Variants in ILKAP observed in about 807,000 individuals in gnomAD.
The protein encoded by ILKAP is ILK associated serine/threonine phosphatase, also known as integrin-linked kinase-associated serine/threonine phosphatase 2C.
A neutral mutation model predicts 49.1 loss-of-function variants in ILKAP; 11 were observed. The ratio of observed to expected loss-of-function variants is 0.22; its 90% CI spans 0.14 to 0.37. ILKAP has a LOEUF of 0.37. Ranked by LOEUF, ILKAP falls within the 10% of genes least tolerant of loss-of-function variation. The pLI, the probability that ILKAP is intolerant of heterozygous loss-of-function variation, is 1.00. For missense variants in ILKAP, 363 were observed against 510.8 expected (o/e 0.71, Z 2.79); for synonymous variants, 186 against 192.8 (o/e 0.96, Z 0.29).
intron 1 of ILKAP, 24 bp from the exon 2 acceptor site, chr2:238,194,894 G>C: frequency 6.4e-7 from 1 of 1,561,112 alleles, no homozygotes; most frequent in South Asian, 1.1e-5. Flanking sequence ...AACCTGTTTA[G>C]AGAGCATATG....
intron 1 of ILKAP, among the ~76,000 whole-genome samples, chr2:238,203,247 G>T (rs1694651506): frequency 6.6e-6 from 1 of 151,028 alleles, no homozygotes; most frequent in Non-Finnish European, 1.5e-5. Flanking sequence ...CCGTGGCCAC[G>T]ACGGCTCGGC....
intron 9 of ILKAP, among the ~76,000 whole-genome samples, chr2:238,175,416 G>A (rs987438755): frequency 6.6e-6 from 1 of 152,162 alleles, no homozygotes; most frequent in African/African-American, 2.4e-5. Context: ...CATATACAGA[G>A]TAGTAATCTT....
rs1693191969 is a variant in ILKAP, at chr2:238,170,988, G to A, written c.993C>T (p.Val331=). The change falls in exon 11 of 12, where the codon GTC becomes GTT. Residue 331 remains valine, a synonymous_variant. Coordinates refer to ENST00000254654, the MANE Select transcript of ILKAP (RefSeq NM_030768.3). ...AGTTCACGGCTTCTTCTGGGGTAAA[G>A]ACCTTGAAGAGCCCATCACAGGCCA... is the stretch of plus-strand genomic sequence containing the variant. ...ILLACDGLFK[V]FTPEEAVNFI... is the part of the protein sequence containing the mutation. 2 of 1,613,948 alleles carry A rather than the reference G, an allele frequency of 1.2e-6. No individual in the cohort carries two copies. Among genetic ancestry groups the A allele is most frequent in the East Asian group, 4.5e-5 (2 of 44,874 alleles).
Position 238,188,204 on chromosome 2 carries a change from T to C in ILKAP, c.352A>G (p.Arg118Gly), listed in dbSNP as rs762482133. 1 of 1,613,800 alleles carries C rather than the reference T, an allele frequency of 6.2e-7. No individual in the cohort carries two copies. The highest frequency in any genetic ancestry group is 1.3e-5 in the African/African-American group (1 of 74,838). The change falls in exon 5 of 12, where the codon AGG (arginine) becomes GGG (glycine). Residue 118 changes from arginine (R) to glycine (G), a missense_variant. Coordinates refer to ENST00000254654, the MANE Select transcript of ILKAP (RefSeq NM_030768.3). ...ACGTGGGCATCCTGCATCTCCTCCCTCTCACCCTTCCGCTCAGCCACATAG... is the reference window on the plus strand; with the variant it reads ...ACGTGGGCATCCTGCATCTCCTCCCCCTCACCCTTCCGCTCAGCCACATAG... ...KGYVAERKGE[R>G]EEMQDAHVIL...
At chr2:238,200,785 T>C (rs1291948166) in intron 1 of ILKAP, among the ~76,000 whole-genome samples, 2 of 152,246 alleles carry the variant, frequency 1.3e-5, no homozygotes, top group Non-Finnish European at 2.9e-5. Flanking sequence ...TTTATGTCAC[T>C]GCACTCCAGC....
intron 9 of ILKAP, among the ~76,000 whole-genome samples, chr2:238,175,835 G>A (rs1448722457): frequency 1.3e-5 from 2 of 152,134 alleles, no homozygotes; most frequent in Middle Eastern, 3.2e-3. Flanking sequence ...GGAGTGCAGT[G>A]GCTATTCACA....
chr2:238,201,359 T>G (rs1694560795), intron 1 of ILKAP, among the ~76,000 whole-genome samples: 1 of 152,218 alleles, frequency 6.6e-6, no homozygotes, highest in South Asian at 2.1e-4. Flanking sequence ...CTTCCAATCA[T>G]CTACAAATTC....
chr2:238,172,312 A>G (rs927982987), intron 10 of ILKAP, among the ~76,000 whole-genome samples: 8 of 152,280 alleles, frequency 5.3e-5, no homozygotes, highest in African/African-American at 1.4e-4. Flanking sequence ...TCCGCCTCCC[A>G]AAGTGTTGGG....
chr2:238,174,986 A>T (rs1265276071), intron 9 of ILKAP, among the ~76,000 whole-genome samples: 2 of 152,218 alleles, frequency 1.3e-5, no homozygotes, highest in African/African-American at 4.8e-5. Context: ...CACGTCTGCA[A>T]TGGCAGGTCC....
At chr2:238,185,122 C>T (rs1396399916) in intron 6 of ILKAP, 59 bp downstream of exon 6, 10 of 1,068,826 alleles carry the variant, frequency 9.4e-6, no homozygotes, top group African/African-American at 1.6e-5. Context: ...CTGCTTCACA[C>T]AGCCAACCAA....
intron 7 of ILKAP, 48 bp from the exon 8 acceptor site, chr2:238,183,788 CTTTGAGACTAAT>C (rs759474439): frequency 7.3e-7 from 1 of 1,377,390 alleles, no homozygotes; most frequent in East Asian, 2.3e-5. Context: ...TAGCCCAGCA[CTTTGAGACTAAT>C]TTCCAGAGCT....
intron 6 of ILKAP, 98 bp from the exon 7 acceptor site, chr2:238,184,211 G>A: frequency 2.6e-6 from 2 of 762,532 alleles, no homozygotes; most frequent in Admixed American, 2.0e-5. Context: ...ATTTTTTTGA[G>A]ACGGAGTCTC....
At position 238,189,954 on chromosome 2, in the gene ILKAP, A is replaced by G. The variant is rs561329712; in HGVS notation, c.197T>C (p.Ile66Thr). The G allele has an allele frequency of 6.2e-7, 1 of 1,613,954 alleles. No homozygotes were observed. The highest frequency in any genetic ancestry group is 1.1e-5 in the South Asian group (1 of 91,080). Residue 66 changes from isoleucine to threonine, a missense_variant, in exon 4 of 12, where the codon ATA becomes ACA. Ile to Thr is a moderately conservative substitution (Grantham distance 89). This residue lies in a region of ILKAP where 114 missense variants were observed against 116.0 expected (regional missense o/e 0.98). Coordinates refer to ENST00000254654, the MANE Select transcript of ILKAP (RefSeq NM_030768.3). ...SGDSGSLATSISQMVKTEGKG... is the reference protein window; with the variant it reads ...SGDSGSLATSTSQMVKTEGKG... ...CCCTTCAGTCTTTACCATCTGGGAT[A>G]TTGATGTGGCAAGAGAACCTGGAAA...
At chr2:238,198,481 T>G (rs1292463230) in intron 1 of ILKAP, among the ~76,000 whole-genome samples, 1 of 152,172 alleles carries the variant, frequency 6.6e-6, no homozygotes, top group Non-Finnish European at 1.5e-5. Flanking sequence ...TCAAGCAATC[T>G]TCCTGCCTCA....
At chr2:238,179,597 A>C (rs1300935400) in intron 9 of ILKAP, among the ~76,000 whole-genome samples, 1 of 152,184 alleles carries the variant, frequency 6.6e-6, no homozygotes, top group African/African-American at 2.4e-5. Context: ...TTACCTGCTG[A>C]TGACGCAAGG....
chr2:238,184,934 A>G (rs1480541782), intron 6 of ILKAP, among the ~76,000 whole-genome samples: 1 of 152,186 alleles, frequency 6.6e-6, no homozygotes, highest in Non-Finnish European at 1.5e-5. Context: ...AAGGCAAGAC[A>G]CTAACTGAAC....
intron 5 of ILKAP, among the ~76,000 whole-genome samples, chr2:238,187,929 C>A (rs1482829815): frequency 6.6e-6 from 1 of 152,188 alleles, no homozygotes; most frequent in African/African-American, 2.4e-5. Context: ...CAACTCCCTC[C>A]CGCAGTTGTG....
At chr2:238,176,199 T>TCTCGA (rs1693449090) in intron 9 of ILKAP, among the ~76,000 whole-genome samples, 1 of 137,144 alleles carries the variant, frequency 7.3e-6, no homozygotes, top group South Asian at 2.5e-4. Flanking sequence ...AGTGGCATGA[T>TCTCGA]CTCGACTCAC....
chr2:238,194,903 T>C (rs1694282176), intron 1 of ILKAP, 33 bp from the exon 2 acceptor site: 3 of 1,516,670 alleles, frequency 2.0e-6, no homozygotes, highest in Non-Finnish European at 2.7e-6. Context: ...AGAGAGCATA[T>C]GGTCATCACC....
Sources: allele counts gnomAD v4.1 joint callset (sites outside exome capture counted in the v4.1 genomes callset), GRCh38; gene constraint gnomAD v4.1.1; regional missense constraint gnomAD v4.1.1; transcripts MANE v1.5; gene names NCBI Gene and HGNC (gene_info 2026-07-23, HGNC 2026-07-21).